The following MAGED1 variants were observed in gnomAD, a reference collection of about 807,000 sequenced individuals.
MAGED1 encodes melanoma-associated antigen D1.
In MAGED1, 3 loss-of-function variants were observed where a neutral mutation model predicts 54.1. The observed-to-expected ratio is 0.06, with a 90% confidence interval of 0.03 to 0.14. The LOEUF (loss-of-function observed/expected upper bound fraction) is 0.14, where lower values mean the gene tolerates loss of function less well. Ranked by LOEUF, MAGED1 falls within the 10% of genes least tolerant of loss-of-function variation. The probability of loss-of-function intolerance (pLI) is 1.00; values close to 1 mark genes in which losing one functional copy is unlikely to be tolerated. For synonymous variants in MAGED1, 217 were observed against 227.3 expected (o/e 0.95, Z 0.41); for missense variants, 485 against 623.4 (o/e 0.78, Z 2.36).
At chrX:51,825,827 A>G (rs967568713) in intron 1 of MAGED1, among the ~76,000 whole-genome samples, 2 of 112,362 alleles carry the variant, frequency 1.8e-5, no homozygotes, top group Admixed American at 1.9e-4. Context: ...CCCTATTGAT[A>G]GCTTATTCCT....
intron 1 of MAGED1, among the ~76,000 whole-genome samples, chrX:51,860,039 G>A (rs1370864669): frequency 2.7e-5 from 3 of 111,651 alleles, no homozygotes; most frequent in East Asian, 5.6e-4. Context: ...GCCGAGGCGG[G>A]CAGATCATTT....
At chrX:51,834,783 T>C (rs1383447741) in intron 1 of MAGED1, among the ~76,000 whole-genome samples, 2 of 111,817 alleles carry the variant, frequency 1.8e-5, no homozygotes, top group Non-Finnish European at 3.8e-5. Flanking sequence ...TAAATTTTGA[T>C]CAAATCTACC....
intron 1 of MAGED1, among the ~76,000 whole-genome samples, chrX:51,805,160 C>T (rs917818057): frequency 8.9e-6 from 1 of 112,068 alleles, no homozygotes; most frequent in Admixed American, 9.5e-5. Flanking sequence ...TGCTATCCTA[C>T]AGGATATTTG....
chrX:51,886,443 G>A (rs546560280), intron 1 of MAGED1, among the ~76,000 whole-genome samples: 2 of 110,520 alleles, frequency 1.8e-5, no homozygotes, highest in Non-Finnish European at 3.8e-5. Context: ...CAACAAATAT[G>A]TATCCATAAA....
chrX:51,814,097 G>C (rs534306633), intron 1 of MAGED1, among the ~76,000 whole-genome samples: 6 of 111,320 alleles, frequency 5.4e-5, no homozygotes, highest in Admixed American at 4.8e-4. Context: ...CCTGACAGCT[G>C]ACTGCCCATT....
At chrX:51,833,452 G>A (rs1412032500) in intron 1 of MAGED1, among the ~76,000 whole-genome samples, 3 of 110,914 alleles carry the variant, frequency 2.7e-5, no homozygotes, top group African/African-American at 9.8e-5. Context: ...GTACTACAGG[G>A]TTTCATCTGT....
rs1261938170 is a variant in MAGED1, at chrX:51,885,528, C to T, written c.-36-8741C>T. ...TGAATAGTTTGCAAATATTTTCTCC[C>T]ATCCTGTAGGTTTTCTCTTCACTTT... On this transcript the variant is annotated intron_variant, in intron 1 of 12. Coordinates refer to the MAGED1 transcript ENST00000375772. 4.5e-5 allele frequency among the ~76,000 whole-genome samples: 5 copies of T among 111,233 alleles called. No homozygotes were observed. The Admixed American group carries it at 4.8e-4, about 11-fold the overall frequency.
chrX:51,814,961 T>A (rs1602208023), intron 1 of MAGED1, among the ~76,000 whole-genome samples: 1 of 88,252 alleles, frequency 1.1e-5, no homozygotes, highest in Non-Finnish European at 2.2e-5. Flanking sequence ...TGAAAACCTC[T>A]CTCTTAAAAA....
intron 1 of MAGED1, among the ~76,000 whole-genome samples, chrX:51,872,762 C>T (rs189059132): frequency 5.2e-4 from 58 of 112,136 alleles, no homozygotes; most frequent in Admixed American, 3.7e-3. Flanking sequence ...AATGCACTTG[C>T]GTAAGACACT....
intron 1 of MAGED1, among the ~76,000 whole-genome samples, chrX:51,837,750 T>G (rs946450198): frequency 8.9e-6 from 1 of 111,950 alleles, no homozygotes; most frequent in African/African-American, 3.2e-5. Context: ...GACGGTGAGG[T>G]TAAATACATT....
intron 1 of MAGED1, among the ~76,000 whole-genome samples, chrX:51,838,822 G>A (rs1174886442): frequency 1.8e-5 from 2 of 111,662 alleles, no homozygotes; most frequent in East Asian, 2.8e-4. Flanking sequence ...TAAAGCTGAC[G>A]AAGTGGAGGA....
chrX:51,895,185 A>G lies in MAGED1; in HGVS notation c.178A>G (p.Asn60Asp). 8.3e-7 allele frequency: 1 copy of G among 1,211,812 alleles called. No individual in the cohort carries two copies. Among genetic ancestry groups the G allele is most frequent in the Middle Eastern group, 2.3e-4 (1 of 4,354 alleles). ...CCAGAGTTCACAGCCCCCAACTGCC[A>G]ATGAGATGGCTGACATTCAGGTTTC... ...SPQSSQPPTA[N>D]EMADIQVSAA... The change falls in exon 3 of 13, where the codon AAT (asparagine) becomes GAT (aspartate). Residue 60 changes from asparagine (N) to aspartate (D), a missense_variant. By Grantham distance (23) the Asn-to-Asp change is conservative. Coordinates refer to ENST00000326587, the MANE Select transcript of MAGED1 (RefSeq NM_006986.4).
At chrX:51,842,732 C>CTGGG (rs782303463) in intron 1 of MAGED1, among the ~76,000 whole-genome samples, 15 of 111,565 alleles carry the variant, frequency 1.3e-4, no homozygotes, top group South Asian at 3.8e-4. Flanking sequence ...GACACCCAGG[C>CTGGG]TGGGGTGCAG....
rs782376435 is a variant in MAGED1 at position 51,897,124 on chromosome X, T to C, written c.1422+47T>C. The C allele has an allele frequency of 5.0e-6, 6 of 1,198,070 alleles. No homozygotes were observed. In the South Asian group the frequency reaches 9.0e-5, roughly 18 times the overall value. On this transcript the variant is annotated intron_variant, in intron 4 of 12. Transcript: ENST00000326587. ...TCACTTTTCCCCTCTCTTGCTCTTT[T>C]CTTTGTCATCCTCTCATCTGTAATT... is the stretch of plus-strand genomic sequence containing the variant.
intron 2 of MAGED1, chrX:51,894,564 TAGTC>T: frequency 2.0e-6 from 2 of 1,006,141 alleles, no homozygotes; most frequent in Non-Finnish European, 1.4e-6. Context: ...ACCCTGTTAG[TAGTC>T]AGGGCAATCT....
intron 1 of MAGED1, among the ~76,000 whole-genome samples, chrX:51,864,494 T>C (rs1392973066): frequency 8.9e-6 from 1 of 111,760 alleles, no homozygotes; most frequent in Non-Finnish European, 1.9e-5. Context: ...TATTCAAGAT[T>C]GCTTTTAGTT....
In MAGED1 at chrX:51,895,423, C is replaced by T. The variant is rs1557364105; in HGVS notation, c.416C>T (p.Ala139Val). The T allele has an allele frequency of 8.3e-7, 1 of 1,206,951 alleles. No homozygotes were observed. Among genetic ancestry groups the T allele is most frequent in the Non-Finnish European group, 1.1e-6 (1 of 892,859 alleles). ...GCAGCAACCACTGGTGAGTTAGCTG[C>T]TAACAAGTCTGAGATGGCCTTCAAG... Reference protein sequence around the residue: ...SQAATTGELAANKSEMAFKAQ... With the variant: ...SQAATTGELAVNKSEMAFKAQ... Residue 139 changes from alanine (A) to valine (V), a missense_variant, in exon 3 of 13, where the codon GCT (alanine) becomes GTT (valine). Physicochemically the swap from Ala to Val is moderately conservative, Grantham distance 64. Around this residue, in one of 2 missense-constraint regions of MAGED1, gnomAD observed 299 missense variants for 293.1 expected, o/e 1.02. Coordinates refer to ENST00000326587, the MANE Select transcript of MAGED1 (RefSeq NM_006986.4).
chrX:51,886,449 A>G (rs1557362817), intron 1 of MAGED1, among the ~76,000 whole-genome samples: 1 of 111,304 alleles, frequency 9.0e-6, no homozygotes, highest in African/African-American at 3.3e-5. Flanking sequence ...ATATGTATCC[A>G]TAAAAATTAA....
chrX:51,814,186 C>CT (rs1557355818), intron 1 of MAGED1, among the ~76,000 whole-genome samples: 1 of 111,566 alleles, frequency 9.0e-6, no homozygotes. Flanking sequence ...TATTATGTGG[C>CT]TTGCTGGGGT....
Sources: allele counts gnomAD v4.1 joint callset (sites outside exome capture counted in the v4.1 genomes callset), GRCh38; gene constraint gnomAD v4.1.1; regional missense constraint gnomAD v4.1.1; transcripts MANE v1.5; gene names NCBI Gene and HGNC (gene_info 2026-07-23, HGNC 2026-07-21).